Variants in OPCML observed in about 807,000 individuals in gnomAD.
OPCML encodes the protein opioid binding protein/cell adhesion molecule like.
OPCML carries 13 observed loss-of-function variants against 37.8 expected under a neutral mutation model. The ratio of observed to expected loss-of-function variants is 0.34; its 90% CI spans 0.22 to 0.55. The LOEUF is 0.55. Ranked by LOEUF, OPCML falls within the 20% of genes least tolerant of loss-of-function variation. OPCML has a pLI of 0.91. For synonymous variants in OPCML, 176 were observed against 168.8 expected (o/e 1.04, Z -0.33); for missense variants, 341 against 435.6 (o/e 0.78, Z 1.93).
At chr11:133,115,277 C>T (rs1288447405) in intron 1 of OPCML, among the ~76,000 whole-genome samples, 3 of 152,146 alleles carry the variant, frequency 2.0e-5, no homozygotes, top group Admixed American at 1.3e-4. Context: ...GAGGACTGGG[C>T]GGACATCCAG....
intron 2 of OPCML, among the ~76,000 whole-genome samples, chr11:132,731,757 G>C (rs1213507808): frequency 6.6e-6 from 1 of 152,150 alleles, no homozygotes; most frequent in Non-Finnish European, 1.5e-5. Context: ...CAGCTAACAG[G>C]GTTGGGGATA....
At position 133,174,289 on chromosome 11, in the gene OPCML, C is replaced by G. The variant is rs540161736; in HGVS notation, c.62-231279G>C. Among the ~76,000 whole-genome samples, 1 of 152,080 alleles carries G rather than the reference C, an allele frequency of 6.6e-6. No homozygotes were observed. Among genetic ancestry groups the G allele is most frequent in the Non-Finnish European group, 1.5e-5 (1 of 68,014 alleles). On this transcript the variant is annotated intron_variant, in intron 1 of 7. Coordinates refer to ENST00000524381, the MANE Select transcript of OPCML (RefSeq NM_001012393.5). The surrounding 1 kb of genome is among the most constrained non-coding windows in gnomAD (Gnocchi z 4.6). ...CAAGCCTTCCTGCCAAACGTAGAGA[C>G]CTGGAGAGAGAGGACAGGGGCCTCG...
intron 3 of OPCML, among the ~76,000 whole-genome samples, chr11:132,540,706 G>C (rs1468929471): frequency 3.3e-5 from 5 of 152,174 alleles, no homozygotes; most frequent in African/African-American, 7.2e-5. Context: ...ATGAATACAT[G>C]CCAGGGGCTG....
chr11:132,901,500 T>C (rs1178007344), intron 2 of OPCML, among the ~76,000 whole-genome samples: 1 of 152,158 alleles, frequency 6.6e-6, no homozygotes, highest in Admixed American at 6.5e-5. Context: ...TCAATCACGG[T>C]TTGCTTCCTT....
rs534591460 is a variant in OPCML at position 132,561,902 on chromosome 11, G to A, written c.380-32716C>T. ...CCAATTGAACTTTCTAGGCTGTGGA[G>A]CCTCTAGCCTAGTGTCCATACAGCC... On this transcript the variant is annotated intron_variant, in intron 3 of 7. Coordinates refer to ENST00000524381, the MANE Select transcript of OPCML (RefSeq NM_001012393.5). 5.9e-5 allele frequency among the ~76,000 whole-genome samples: 9 copies of A among 152,318 alleles called. No homozygotes were observed. In the South Asian group the frequency reaches 1.5e-3, roughly 25 times the overall value.
At chr11:132,705,800 C>G (rs1034167174) in intron 2 of OPCML, among the ~76,000 whole-genome samples, 3 of 151,896 alleles carry the variant, frequency 2.0e-5, no homozygotes, top group African/African-American at 7.3e-5. Context: ...AATAAAGTAC[C>G]CAGTCTCGGG....
chr11:133,189,132 C>T (rs1053600632), intron 1 of OPCML, among the ~76,000 whole-genome samples: 1 of 152,164 alleles, frequency 6.6e-6, no homozygotes, highest in Non-Finnish European at 1.5e-5. Flanking sequence ...ATCCTTACTG[C>T]CTTCTTTCCC....
chr11:132,564,141 A>G (rs2096416904), intron 3 of OPCML, among the ~76,000 whole-genome samples: 2 of 152,196 alleles, frequency 1.3e-5, no homozygotes, highest in Non-Finnish European at 2.9e-5. Flanking sequence ...CTCCCGATTG[A>G]TCTTGAGTCT....
intron 4 of OPCML, among the ~76,000 whole-genome samples, chr11:132,507,795 T>G (rs1010268094): frequency 6.6e-6 from 1 of 151,838 alleles, no homozygotes; most frequent in Non-Finnish European, 1.5e-5. Flanking sequence ...CTTAAAAATA[T>G]GATAAACTAG....
chr11:132,830,918 A>C (rs1409683033), intron 2 of OPCML, among the ~76,000 whole-genome samples: 2 of 152,252 alleles, frequency 1.3e-5, no homozygotes, highest in African/African-American at 2.4e-5. Context: ...AGTGCAGAAG[A>C]AGCAGAACTA....
At chr11:132,834,035 A>C (rs1326328497) in intron 2 of OPCML, among the ~76,000 whole-genome samples, 1 of 152,206 alleles carries the variant, frequency 6.6e-6, no homozygotes, top group Non-Finnish European at 1.5e-5. Flanking sequence ...TTTTGAGTAA[A>C]GATTATGAGA....
At chr11:132,945,727 T>C (rs1182253619) in intron 1 of OPCML, among the ~76,000 whole-genome samples, 1 of 150,950 alleles carries the variant, frequency 6.6e-6, no homozygotes, top group Non-Finnish European at 1.5e-5. Flanking sequence ...AAACACGTTG[T>C]ACAGTTGTAC....
At chr11:132,692,393 G>A (rs1943439380) in intron 2 of OPCML, among the ~76,000 whole-genome samples, 1 of 152,154 alleles carries the variant, frequency 6.6e-6, no homozygotes, top group Non-Finnish European at 1.5e-5. Context: ...GGCATCTTTT[G>A]GGACTTGGCA....
At chr11:132,525,999 G>A (rs978518321) in intron 4 of OPCML, 3 of 152,154 alleles carry the variant, frequency 2.0e-5, no homozygotes, top group African/African-American at 7.2e-5. Context: ...CAACTTCAAA[G>A]TACAGCACAG....
intron 1 of OPCML, among the ~76,000 whole-genome samples, chr11:133,082,956 C>T (rs1329456602): frequency 6.6e-6 from 1 of 150,862 alleles, no homozygotes; most frequent in African/African-American, 2.4e-5. Flanking sequence ...AGTGCCTCGC[C>T]GGGACCGCAC....
chr11:133,411,568 T>C (rs943030867), intron 1 of OPCML, among the ~76,000 whole-genome samples: 4 of 152,178 alleles, frequency 2.6e-5, no homozygotes, highest in African/African-American at 9.6e-5. Context: ...TTCTGGGTCC[T>C]GTCACCTCAC....
Position 132,595,903 on chromosome 11 carries a change from T to C in OPCML, c.379+61184A>G, listed in dbSNP as rs535263045. 9.6e-4 allele frequency among the ~76,000 whole-genome samples: 146 copies of C among 152,334 alleles called. 3 individuals are homozygous for C. In the South Asian group the frequency reaches 0.029, roughly 30 times the overall value. ...TGGACAGCATATGCCTGAATTTGAT[T>C]TGGCTGTAAATCAAACTAGCTTTTT... On this transcript the variant is annotated intron_variant, in intron 3 of 7. Coordinates refer to ENST00000524381, the MANE Select transcript of OPCML (RefSeq NM_001012393.5).
intron 3 of OPCML, among the ~76,000 whole-genome samples, chr11:132,615,224 G>C (rs1591627851): frequency 6.6e-6 from 1 of 152,292 alleles, no homozygotes; most frequent in African/African-American, 2.4e-5. Flanking sequence ...TACAGGAAAT[G>C]GATATTTGTG....
chr11:133,002,831 C>A (rs934432415), intron 1 of OPCML, among the ~76,000 whole-genome samples: 1 of 152,028 alleles, frequency 6.6e-6, no homozygotes, highest in Admixed American at 6.6e-5. Context: ...CATCAGTTGA[C>A]CAATCCTATA....
Sources: allele counts gnomAD v4.1 joint callset (sites outside exome capture counted in the v4.1 genomes callset), GRCh38; gene constraint gnomAD v4.1.1; non-coding constraint Gnocchi (gnomAD v3.1); transcripts MANE v1.5; gene names NCBI Gene and HGNC (gene_info 2026-07-23, HGNC 2026-07-21).